Variants in NCAM1 observed in about 807,000 individuals in gnomAD.
NCAM1 encodes neural cell adhesion molecule 1.
Under a neutral mutation model 109.8 loss-of-function variants are expected in NCAM1, and 14 were observed. The observed-to-expected ratio is 0.13, with a 90% CI of 0.08 to 0.20. The LOEUF (loss-of-function observed/expected upper bound fraction) is 0.20, where lower values mean the gene tolerates loss of function less well. Ranked by LOEUF, NCAM1 falls within the 10% of genes least tolerant of loss-of-function variation. The pLI, the probability that NCAM1 is intolerant of heterozygous loss-of-function variation, is 1.00. For missense variants in NCAM1, 774 were observed against 1,109.9 expected, an observed-to-expected ratio of 0.70 and a Z score of 4.30; for synonymous variants, 418 against 442.9, an observed-to-expected ratio of 0.94 and a Z score of 0.70.
At chr11:113,234,236 T>C (rs1294624759) in intron 13 of NCAM1, among the ~76,000 whole-genome samples, 2 of 150,036 alleles carry the variant, frequency 1.3e-5, no homozygotes, top group Non-Finnish European at 3.0e-5. Context: ...GTTGATCTCA[T>C]GTCACTATCT....
intron 17 of NCAM1, chr11:113,265,287 C>T (rs1046162208): frequency 4.7e-6 from 2 of 423,768 alleles, no homozygotes; most frequent in Middle Eastern, 1.2e-3. Context: ...CCTGGATAGA[C>T]TATTACCTAG....
chr11:113,266,966 C>T (rs1280795951), intron 17 of NCAM1, among the ~76,000 whole-genome samples: 9 of 152,126 alleles, frequency 5.9e-5, no homozygotes, highest in African/African-American at 2.2e-4. Context: ...AGCCTTACAG[C>T]GTCCCTGCCA....
intron 1 of NCAM1, among the ~76,000 whole-genome samples, chr11:113,192,557 A>AG (rs1309588186): frequency 6.6e-6 from 1 of 152,178 alleles, no homozygotes; most frequent in African/African-American, 2.4e-5. Context: ...CAGCTTATTT[A>AG]GCTGTGCTTA....
chr11:113,075,278 C>T (rs1022023861), intron 1 of NCAM1, among the ~76,000 whole-genome samples: 2 of 152,126 alleles, frequency 1.3e-5, no homozygotes, highest in African/African-American at 2.4e-5. Flanking sequence ...CTATGTTGCT[C>T]AGGCTGGTCT....
rs76060764 is a variant in NCAM1, at chr11:113,132,055, G to A, written c.53-70324G>A. Reference sequence around the variant, plus strand: ...TCAGATGAGGAGAGGGACAGAGATGGTTTTTAGTGAGTAAAGAAACGCACA... The same window carrying A: ...TCAGATGAGGAGAGGGACAGAGATGATTTTTAGTGAGTAAAGAAACGCACA... On this transcript the variant is annotated intron_variant, in intron 1 of 19. Coordinates refer to ENST00000316851, the MANE Select transcript of NCAM1 (RefSeq NM_181351.5). 3.4e-3 allele frequency among the ~76,000 whole-genome samples: 524 copies of A among 152,252 alleles called. 2 individuals are homozygous for A. Among genetic ancestry groups the A allele is most frequent in the Middle Eastern group, 0.01 (3 of 294 alleles).
At chr11:113,200,170 A>T (rs189617608) in intron 1 of NCAM1, among the ~76,000 whole-genome samples, 1 of 152,038 alleles carries the variant, frequency 6.6e-6, no homozygotes, top group Admixed American at 6.6e-5. Flanking sequence ...TCTTGGGGGG[A>T]CTCAGCTTCT....
chr11:113,202,261 C>G, intron 1 of NCAM1, 118 bp from the exon 2 acceptor site: 1 of 1,029,446 alleles, frequency 9.7e-7, no homozygotes, highest in Non-Finnish European at 1.4e-6. Flanking sequence ...AGTTGGGAAG[C>G]CTATTTTTGA....
intron 1 of NCAM1, among the ~76,000 whole-genome samples, chr11:113,143,014 T>A (rs1941885386): frequency 6.6e-6 from 1 of 152,194 alleles, no homozygotes; most frequent in Non-Finnish European, 1.5e-5. Context: ...AACTCCTGAA[T>A]AATGACTGTG....
chr11:112,995,414 A>G (rs1168935287), intron 1 of NCAM1, among the ~76,000 whole-genome samples: 4 of 152,202 alleles, frequency 2.6e-5, no homozygotes. Context: ...TTGACACTCC[A>G]TTTTAATGTA....
chr11:113,230,777 T>A (rs1224248437), intron 9 of NCAM1, among the ~76,000 whole-genome samples: 1 of 152,210 alleles, frequency 6.6e-6, no homozygotes, highest in Non-Finnish European at 1.5e-5. Context: ...GATCTGAAGT[T>A]AAGCCACATG....
In NCAM1 at chr11:113,277,630, C is replaced by A. The variant is rs1336634422; in HGVS notation, c.*2243C>A. ...CACACCAGGCCAAGCCCATGCCATA[C>A]CTTGTCAAGACTGTCAAAGTGGTTG... is the stretch of plus-strand genomic sequence containing the variant. On this transcript the variant is annotated 3_prime_UTR_variant, in exon 20 of 20. Coordinates refer to ENST00000316851, the MANE Select transcript of NCAM1 (RefSeq NM_181351.5). The A allele has an allele frequency of 5.1e-6, 2 of 391,460 alleles. No individual in the cohort carries two copies. The highest frequency in any genetic ancestry group is 6.3e-4 in the Middle Eastern group (1 of 1,586). 24.2% of individuals were successfully genotyped at this position (391,460 alleles called of 1,614,324 possible).
chr11:112,974,938 A>G (rs1950969181), intron 1 of NCAM1, among the ~76,000 whole-genome samples: 1 of 151,906 alleles, frequency 6.6e-6, no homozygotes, highest in African/African-American at 2.4e-5. Context: ...CAGGGTTTCT[A>G]ATTGCTAAAG....
chr11:113,125,192 G>T (rs1458380815), intron 1 of NCAM1, among the ~76,000 whole-genome samples: 1 of 152,200 alleles, frequency 6.6e-6, no homozygotes, highest in East Asian at 1.9e-4. Context: ...TGCTCAGTAA[G>T]CAGGTAGTCC....
At chr11:113,052,366 C>T (rs1953534388) in intron 1 of NCAM1, among the ~76,000 whole-genome samples, 1 of 152,176 alleles carries the variant, frequency 6.6e-6, no homozygotes, top group African/African-American at 2.4e-5. Context: ...TGGTATTTCT[C>T]AGAAATCATC....
chr11:113,191,252 C>T (rs538184759), intron 1 of NCAM1, among the ~76,000 whole-genome samples: 55 of 152,212 alleles, frequency 3.6e-4, no homozygotes, highest in African/African-American at 1.2e-3. Flanking sequence ...GGAGGGAATT[C>T]GGTTCAGAGA....
chr11:113,081,706 A>G (rs1264948981), intron 1 of NCAM1, among the ~76,000 whole-genome samples: 2 of 151,922 alleles, frequency 1.3e-5, no homozygotes, highest in Non-Finnish European at 2.9e-5. Flanking sequence ...GCTAATATTT[A>G]TATTTGTAGT....
chr11:113,249,069 A>C (rs1945584005), intron 15 of NCAM1, among the ~76,000 whole-genome samples: 1 of 152,158 alleles, frequency 6.6e-6, no homozygotes, highest in South Asian at 2.1e-4. Flanking sequence ...CATGTGCTGC[A>C]TGTCTGAGCA....
intron 1 of NCAM1, among the ~76,000 whole-genome samples, chr11:113,124,291 G>A (rs1941089708): frequency 6.6e-6 from 1 of 152,146 alleles, no homozygotes; most frequent in Non-Finnish European, 1.5e-5. Context: ...CTTTTCCGGA[G>A]GTGTCTTTTC....
intron 1 of NCAM1, among the ~76,000 whole-genome samples, chr11:113,062,164 C>T (rs1555083524): frequency 6.6e-6 from 1 of 152,148 alleles, no homozygotes; most frequent in Non-Finnish European, 1.5e-5. Context: ...AAATTGACAA[C>T]CTCATGCAAC....
Sources: allele counts gnomAD v4.1 joint callset (sites outside exome capture counted in the v4.1 genomes callset), GRCh38; gene constraint gnomAD v4.1.1; transcripts MANE v1.5; gene names NCBI Gene and HGNC (gene_info 2026-07-23, HGNC 2026-07-21).